The following NDUFA10 variants were observed in gnomAD, a reference collection of about 807,000 sequenced individuals.
NDUFA10 encodes the protein NADH dehydrogenase [ubiquinone] 1 alpha subcomplex subunit 10, mitochondrial.
In NDUFA10, 40 loss-of-function variants were observed where a neutral mutation model predicts 47.8. That is an observed-to-expected ratio of 0.84 (90% CI 0.65 to 1.09). The LOEUF (loss-of-function observed/expected upper bound fraction) is 1.09, where lower values mean the gene tolerates loss of function less well. Ranked by LOEUF, NDUFA10 falls within the 50% of genes least tolerant of loss-of-function variation. NDUFA10 has a pLI of 0.00. For synonymous variants in NDUFA10, 183 were observed against 172.2 expected, an observed-to-expected ratio of 1.06 and a Z score of -0.49; for missense variants, 413 against 451.1, an observed-to-expected ratio of 0.92 and a Z score of 0.76.
At chr2:239,924,637 T>A (rs189149474) in intron 4 of NDUFA10, among the ~76,000 whole-genome samples, 1 of 152,224 alleles carries the variant, frequency 6.6e-6, no homozygotes. Context: ...GGATCCTGAA[T>A]ATCATTAAGA....
In NDUFA10 at chr2:240,017,796, T is replaced by C. The variant is rs746165378; in HGVS notation, c.547+757A>G. ...ACACAAGCAGCCAGAAGCAGGCGCC[T>C]CCTCCACAGAATGGTCACCTGGCTT... On this transcript the variant is annotated intron_variant, in intron 4 of 9. Coordinates refer to ENST00000252711, the MANE Select transcript of NDUFA10 (RefSeq NM_004544.4). 6 of 1,547,170 alleles carry C rather than the reference T, an allele frequency of 3.9e-6. No homozygotes were observed. In the South Asian group the frequency reaches 4.8e-5, roughly 12 times the overall value.
Position 240,018,635 on chromosome 2 carries a change from T to C in NDUFA10, c.465A>G (p.Gln155=). Residue 155 remains glutamine (Q), a synonymous_variant, in exon 4 of 10, where the codon CAA becomes CAG. Transcript: ENST00000252711. ...DALEHLLTTG[Q]GVVLERSIFS... Reference sequence around the variant, plus strand: ...AGATGGAGCGCTCCAACACAACACCTTGTCCTGTTTAAACATAGGCAAACA... The same window carrying C: ...AGATGGAGCGCTCCAACACAACACCCTGTCCTGTTTAAACATAGGCAAACA... The C allele has an allele frequency of 1.9e-6, 3 of 1,614,074 alleles. No homozygotes were observed. The highest frequency in any genetic ancestry group is 2.5e-6 in the Non-Finnish European group (3 of 1,180,006).
intron 4 of NDUFA10, among the ~76,000 whole-genome samples, chr2:240,017,499 A>C (rs1697408595): frequency 2.0e-5 from 3 of 152,146 alleles, no homozygotes; most frequent in African/African-American, 7.2e-5. Context: ...AATGCTCAGG[A>C]GTGCTAAGTA....
chr2:239,974,881 T>TGACA (rs1559340574), intron 9 of NDUFA10, among the ~76,000 whole-genome samples: 123 of 124,288 alleles, frequency 9.9e-4, no homozygotes, highest in East Asian at 1.5e-3. Context: ...TATGTGACAC[T>TGACA]CTACCACCAA....
chr2:239,976,303 G>T lies in NDUFA10; in HGVS notation c.999+13771C>A, dbSNP rs62184572. ...CACGGTCCACCCTGAGACCCTGTGC[G>T]ATCTCGCCCCACTCGCCACCCTCCC... On this transcript the variant is annotated intron_variant, in intron 9 of 9. Coordinates refer to ENST00000252711, the MANE Select transcript of NDUFA10 (RefSeq NM_004544.4). Among the ~76,000 whole-genome samples, 663 of 152,210 alleles carry T rather than the reference G, an allele frequency of 4.4e-3. 9 individuals are homozygous for T. The highest frequency in any genetic ancestry group is 0.034 in the Admixed American group (519 of 15,302).
chr2:239,919,449 G>A (rs776457061), intron 4 of NDUFA10, among the ~76,000 whole-genome samples: 6 of 151,928 alleles, frequency 3.9e-5, no homozygotes, highest in Admixed American at 1.3e-4. Context: ...GCATCCTCAC[G>A]GCTTTGTTCT....
At chr2:239,951,508 G>A (rs566033415) in intron 4 of NDUFA10, among the ~76,000 whole-genome samples, 1 of 152,248 alleles carries the variant, frequency 6.6e-6, no homozygotes, top group Non-Finnish European at 1.5e-5. Flanking sequence ...CGTGTCCCAG[G>A]GATGCCTGGT....
Position 239,990,163 on chromosome 2 carries a change from C to A in NDUFA10, c.910G>T (p.Val304Leu). 1 of 1,613,442 alleles carries A rather than the reference C, an allele frequency of 6.2e-7. No individual in the cohort carries two copies. ...LRLLVQDKFE[V>L]LNYTSIPIFL... is the part of the protein sequence containing the mutation. The stretch of plus-strand genomic sequence containing the variant: ...ATAGGAATGCTTGTGTAATTCAGCA[C>A]CTCAAACTTATCCTGAACCCTAAAA... Residue 304 changes from valine to leucine, a missense_variant, in exon 9 of 10, where the codon GTG (valine) becomes TTG (leucine). By Grantham distance (32) the Val-to-Leu change is conservative (BLOSUM62 1). Coordinates refer to ENST00000252711, the MANE Select transcript of NDUFA10 (RefSeq NM_004544.4).
chr2:240,020,085 C>CAACTGT (rs1697557118), intron 3 of NDUFA10, among the ~76,000 whole-genome samples: 1 of 151,206 alleles, frequency 6.6e-6, no homozygotes, highest in Non-Finnish European at 1.5e-5. Context: ...TGTGTAGATA[C>CAACTGT]GTGTCATGGA....
chr2:239,902,040 C>T (rs897856515), intron 4 of NDUFA10, among the ~76,000 whole-genome samples: 1 of 152,100 alleles, frequency 6.6e-6, no homozygotes, highest in Admixed American at 6.6e-5. Context: ...GTGAAGATGT[C>T]GTGACCGTTG....
chr2:239,897,072 A>G (rs1693412250), intron 4 of NDUFA10, among the ~76,000 whole-genome samples: 1 of 152,230 alleles, frequency 6.6e-6, no homozygotes, highest in Admixed American at 6.5e-5. Flanking sequence ...TTATTTTGCA[A>G]TAAATTAGTA....
intron 4 of NDUFA10, among the ~76,000 whole-genome samples, chr2:240,017,013 C>A (rs1424615613): frequency 6.6e-6 from 1 of 152,136 alleles, no homozygotes; most frequent in African/African-American, 2.4e-5. Context: ...TGCCCAGTGT[C>A]CCTCCTGAGC....
At chr2:239,914,997 GAC>G (rs1244909842) in intron 4 of NDUFA10, among the ~76,000 whole-genome samples, 21 of 134,462 alleles carry the variant, frequency 1.6e-4, no homozygotes, top group African/African-American at 5.8e-4. Flanking sequence ...CAAATATATA[GAC>G]ACACACAGAG....
chr2:239,964,013 G>A (rs952405215), intron 9 of NDUFA10, among the ~76,000 whole-genome samples: 1 of 152,182 alleles, frequency 6.6e-6, no homozygotes. Context: ...TGAGGAAGGG[G>A]ACACAACACC....
intron 8 of NDUFA10, among the ~76,000 whole-genome samples, chr2:239,993,271 C>T (rs553494657): frequency 8.5e-5 from 13 of 152,332 alleles, no homozygotes; most frequent in South Asian, 4.1e-4. Context: ...CAGACACAAT[C>T]CCTTGTCTCC....
At chr2:239,946,990 T>C (rs4497899) in intron 4 of NDUFA10, among the ~76,000 whole-genome samples, 98,922 of 152,034 alleles carry the variant, frequency 0.65, 33,157 homozygotes, top group African/African-American at 0.82. Context: ...CAGGGCAGTG[T>C]CCAGGAGACG....
intron 4 of NDUFA10, among the ~76,000 whole-genome samples, chr2:239,914,113 A>G (rs1693798983): frequency 6.6e-6 from 1 of 152,208 alleles, no homozygotes; most frequent in South Asian, 2.1e-4. Flanking sequence ...GGCAACACAC[A>G]CAGACACACA....
intron 4 of NDUFA10, among the ~76,000 whole-genome samples, chr2:239,909,645 T>A (rs1693714955): frequency 6.6e-6 from 1 of 151,912 alleles, no homozygotes; most frequent in Non-Finnish European, 1.5e-5. Context: ...AAAAAAACCC[T>A]AGAAGAAAAT....
At chr2:239,997,447 G>A (rs1029145353) in intron 8 of NDUFA10, among the ~76,000 whole-genome samples, 4 of 152,214 alleles carry the variant, frequency 2.6e-5, no homozygotes, top group African/African-American at 7.2e-5. Flanking sequence ...AGAATCGAAA[G>A]TTTTTGTTTG....
Sources: gnomAD v4.1 joint callset for allele counts (sites outside exome capture counted in the v4.1 genomes callset) on GRCh38, gnomAD v4.1.1 for gene constraint, MANE v1.5 for transcripts, NCBI Gene and HGNC (gene_info 2026-07-23, HGNC 2026-07-21) for gene names.